HSPG2: variants seen among roughly 807,000 people sequenced by gnomAD.
HSPG2 encodes the protein heparan sulfate proteoglycan 2.
HSPG2 carries 278 observed loss-of-function variants against 526.6 expected under a neutral mutation model. That is an observed-to-expected ratio of 0.53 (90% confidence interval 0.48 to 0.58). HSPG2 has a LOEUF of 0.58. HSPG2 is among the 20% of genes least tolerant of loss of function. The pLI is 0.00. For synonymous variants in HSPG2, 2,465 were observed against 2,555.4 expected, an observed-to-expected ratio of 0.96 and a Z score of 1.07; for missense variants, 5,354 against 6,099.5, an observed-to-expected ratio of 0.88 and a Z score of 4.07.
In HSPG2 at chr1:21,847,108, C is replaced by T. The variant is rs1320853528; in HGVS notation, c.8164+246G>A. Among the ~76,000 whole-genome samples the T allele has an allele frequency of 1.3e-5, 2 of 152,254 alleles. No individual in the cohort carries two copies. The highest frequency in any genetic ancestry group is 4.8e-5 in the African/African-American group (2 of 41,464). On this transcript the variant is annotated intron_variant, in intron 62 of 96. Transcript: ENST00000374695. This position sits in a 1 kb window ranked among gnomAD's most constrained non-coding sequence, Gnocchi z 4.1. ...TAACTCACTTAACCCTCACAAAATT[C>T]GTAAACTTCCTGTGATGATGGAAAT... is the stretch of plus-strand genomic sequence containing the variant.
At chr1:21,900,213 A>G (rs1292272244) in intron 1 of HSPG2, among the ~76,000 whole-genome samples, 1 of 152,218 alleles carries the variant, frequency 6.6e-6, no homozygotes, top group African/African-American at 2.4e-5. Flanking sequence ...GAAGGAGCTA[A>G]GCAGAGAGGG....
At chr1:21,849,148 C>G in intron 57 of HSPG2, 117 bp from the exon 58 acceptor site, 1 of 1,271,054 alleles carries the variant, frequency 7.9e-7, no homozygotes, top group Non-Finnish European at 1.1e-6. Context: ...TCGATGGAAA[C>G]TCTTCCAGGG....
chr1:21,886,787 T>C (rs1040298218), intron 9 of HSPG2, among the ~76,000 whole-genome samples: 1 of 151,696 alleles, frequency 6.6e-6, no homozygotes, highest in African/African-American at 2.4e-5. Flanking sequence ...GCTGGGGAGT[T>C]GGACAGATGG....
At chr1:21,878,883 G>T in intron 18 of HSPG2, 111 bp downstream of exon 18, 1 of 1,383,788 alleles carries the variant, frequency 7.2e-7, no homozygotes, top group Non-Finnish European at 1.0e-6. Context: ...GGATAACTTA[G>T]TGATCAGGTA....
chr1:21,843,571 G>T, intron 65 of HSPG2, 133 bp from the exon 66 acceptor site: 2 of 881,182 alleles, frequency 2.3e-6, no homozygotes, highest in Non-Finnish European at 3.4e-6. Context: ...CCCTTTGACA[G>T]TCCGCATTGT....
chr1:21,908,356 A>C (rs1643490584), intron 1 of HSPG2: 6 of 1,090,194 alleles, frequency 5.5e-6, no homozygotes, highest in Middle Eastern at 2.4e-4. Flanking sequence ...GATTCTTGCC[A>C]AGAGAATTAA....
At chr1:21,909,584 T>G (rs1159229546) in intron 1 of HSPG2, among the ~76,000 whole-genome samples, 2 of 152,232 alleles carry the variant, frequency 1.3e-5, no homozygotes, top group Admixed American at 6.5e-5. Context: ...GCCTCATCAG[T>G]GGGGCTGGCA....
chr1:21,933,455 G>A (rs138937395), intron 1 of HSPG2, among the ~76,000 whole-genome samples: 33 of 152,236 alleles, frequency 2.2e-4, no homozygotes, highest in African/African-American at 7.5e-4. Flanking sequence ...TGAAGTACCC[G>A]TATTACTGTG....
rs1572253110 is a variant in HSPG2 at position 21,858,484 on chromosome 1, C to G, written c.5293+1082G>C. Among the ~76,000 whole-genome samples the G allele has an allele frequency of 2.0e-5, 3 of 152,334 alleles. No individual in the cohort carries two copies. The highest frequency in any genetic ancestry group is 7.2e-5 in the African/African-American group (3 of 41,584). On this transcript the variant is annotated intron_variant, in intron 42 of 96. Transcript: ENST00000374695. The surrounding 1 kb of genome is among the most constrained non-coding windows in gnomAD (Gnocchi z 4.2). ...GCTTTGAACACCATCCCTGTGCCAA[C>G]AGCAACCATACTCATTTCTCTGGCT... is the stretch of plus-strand genomic sequence containing the variant.
chr1:21,921,830 G>C (rs1378759977), intron 1 of HSPG2, among the ~76,000 whole-genome samples: 3 of 152,202 alleles, frequency 2.0e-5, no homozygotes, highest in Non-Finnish European at 4.4e-5. Flanking sequence ...GGCTCAACCT[G>C]CTATCCCTAG....
rs907038209 is a variant in HSPG2 at position 21,870,222 on chromosome 1, C to T, written c.4221+1964G>A. ...CCAGGTCCTCAGTTACCTGTGATGCCCGCTGTGCCCAGTCCCTGCCCTCTG... is the reference window on the plus strand; with the variant it reads ...CCAGGTCCTCAGTTACCTGTGATGCTCGCTGTGCCCAGTCCCTGCCCTCTG... On this transcript the variant is annotated intron_variant, in intron 33 of 96. Coordinates refer to ENST00000374695, the MANE Select transcript of HSPG2 (RefSeq NM_005529.7). 2.1e-5 allele frequency: 21 copies of T among 985,688 alleles called. No individual in the cohort carries two copies. In the African/African-American group the frequency reaches 3.5e-4, roughly 16 times the overall value. 61.1% of individuals were successfully genotyped at this position (985,688 alleles called of 1,614,324 possible).
chr1:21,869,302 A>G (rs535029087), intron 33 of HSPG2, among the ~76,000 whole-genome samples: 1 of 152,336 alleles, frequency 6.6e-6, no homozygotes, highest in South Asian at 2.1e-4. Context: ...ATGTATTTGA[A>G]AGAGAGTAAC....
At chr1:21,862,755 A>C (rs1027565826) in intron 37 of HSPG2, among the ~76,000 whole-genome samples, 3 of 152,040 alleles carry the variant, frequency 2.0e-5, no homozygotes, top group African/African-American at 7.2e-5. Flanking sequence ...GTATACACTC[A>C]GGTATTTGGG....
intron 21 of HSPG2, among the ~76,000 whole-genome samples, chr1:21,877,952 T>G (rs537552024): frequency 1.3e-5 from 2 of 152,208 alleles, no homozygotes; most frequent in Non-Finnish European, 2.9e-5. Context: ...AAAGGCTGCA[T>G]AAAGAATGAC....
At chr1:21,854,049 C>A (rs1420830720) in intron 50 of HSPG2, 144 bp downstream of exon 50, 3 of 905,566 alleles carry the variant, frequency 3.3e-6, no homozygotes, top group Non-Finnish European at 4.9e-6. Flanking sequence ...GTCCACTCAA[C>A]CTCCTTCTCT....
chr1:21,828,992 A>G lies in HSPG2; in HGVS notation c.12080T>C (p.Leu4027Pro), dbSNP rs1409782727. 6 of 1,571,120 alleles carry G rather than the reference A, an allele frequency of 3.8e-6. No individual in the cohort carries two copies. Among genetic ancestry groups the G allele is most frequent in the Non-Finnish European group, 5.2e-6 (6 of 1,158,732 alleles). Residue 4027 changes from leucine (L) to proline (P), a missense_variant, in exon 88 of 97, where the codon CTG becomes CCG. Physicochemically the swap from Leu to Pro is moderately conservative, Grantham distance 98 (BLOSUM62 -3). Coordinates refer to ENST00000374695, the MANE Select transcript of HSPG2 (RefSeq NM_005529.7). The surrounding 1 kb of genome is among the most constrained non-coding windows in gnomAD (Gnocchi z 6.0). ...SAERLNKDGS[L>P]RVNGGRPVLR... ...CACAGGGCGTCCACCATTCACCCGC[A>G]GGCTGCCGTCCTTGTTGAGACGCTC...
Position 21,831,484 on chromosome 1 carries a change from C to T in HSPG2, c.11431G>A (p.Gly3811Arg). Residue 3811 changes from glycine (G) to arginine (R), a missense_variant, in exon 83 of 97, where the codon GGG becomes AGG. Gly to Arg is a moderately radical substitution (Grantham distance 125). Transcript: ENST00000374695. ...YPDYGAIPKA[G>R]LSSGFIGCVR... ...TCACCTATGAAGCCGCTGCTCAGCC[C>T]CGCCTTGGGGATGGCACCATAGTCA... 3 of 1,614,074 alleles carry T rather than the reference C, an allele frequency of 1.9e-6. No individual in the cohort carries two copies. Among genetic ancestry groups the T allele is most frequent in the South Asian group, 1.1e-5 (1 of 91,080 alleles).
intron 13 of HSPG2, 91 bp downstream of exon 13, chr1:21,884,437 C>A (rs542770914): frequency 5.9e-6 from 9 of 1,527,664 alleles, no homozygotes; most frequent in Non-Finnish European, 8.1e-6. Flanking sequence ...CGAAACCTGG[C>A]CCCCTCTGTC....
At chr1:21,883,132 C>T (rs1641633723) in intron 13 of HSPG2, among the ~76,000 whole-genome samples, 1 of 152,110 alleles carries the variant, frequency 6.6e-6, no homozygotes, top group Non-Finnish European at 1.5e-5. Context: ...CCAGGGAAGC[C>T]CCACAACATC....
Sources: gnomAD v4.1 joint callset for allele counts (sites outside exome capture counted in the v4.1 genomes callset) on GRCh38, gnomAD v4.1.1 for gene constraint, Gnocchi (gnomAD v3.1) non-coding constraint, MANE v1.5 for transcripts, NCBI Gene and HGNC (gene_info 2026-07-23, HGNC 2026-07-21) for gene names.